Variants in ARHGEF16 observed in about 807,000 individuals in gnomAD.
ARHGEF16 encodes Rho guanine exchange factor (GEF) 16.
A neutral mutation model predicts 74.1 loss-of-function variants in ARHGEF16; 59 were observed. The ratio of observed to expected loss-of-function variants is 0.80; its 90% CI spans 0.65 to 0.99. The LOEUF is 0.99. Among genes scored for constraint, ARHGEF16 ranks in the 50% least tolerant of loss-of-function variants. The pLI, the probability that ARHGEF16 is intolerant of heterozygous loss-of-function variation, is 0.00. For synonymous variants in ARHGEF16, 415 were observed against 412.6 expected, an observed-to-expected ratio of 1.01 and a Z score of -0.07; for missense variants, 948 against 986.6, an observed-to-expected ratio of 0.96 and a Z score of 0.52.
At position 3,476,038 on chromosome 1, in the gene ARHGEF16, A is replaced by G; in HGVS notation, c.1449A>G (p.Thr483=). The change falls in exon 10 of 15, where the codon ACA becomes ACG. Residue 483 remains threonine, a synonymous_variant. Coordinates refer to ENST00000378378, the MANE Select transcript of ARHGEF16 (RefSeq NM_014448.4). ...TGGAGCAGATGTACACGCTGCACAC[A>G]CAGCTGGACTTCAGCAAGGTCAAGG... ...ERMEQMYTLH[T]QLDFSKVKSL... The G allele has an allele frequency of 1.3e-6, 2 of 1,555,006 alleles. No homozygotes were observed. The highest frequency in any genetic ancestry group is 1.7e-6 in the Non-Finnish European group (2 of 1,149,250).
chr1:3,457,605 G>A (rs1245049016), intron 1 of ARHGEF16, among the ~76,000 whole-genome samples: 1 of 152,212 alleles, frequency 6.6e-6, no homozygotes, highest in Non-Finnish European at 1.5e-5. Context: ...CTACAGAGCG[G>A]CCCACCCAAC....
In ARHGEF16 at chr1:3,477,998, G is replaced by A. The variant is rs373186673; in HGVS notation, c.1597G>A (p.Asp533Asn). ...RPTCYLFLFN[D>N]VLVVTKKKSE... ...AACGTGCTACCTTTTCCTGTTCAACGATGTCCTGGTTGTGACCAAGAAGAA... is the reference window on the plus strand; with the variant it reads ...AACGTGCTACCTTTTCCTGTTCAACAATGTCCTGGTTGTGACCAAGAAGAA... The change falls in exon 11 of 15, where the codon GAT becomes AAT. Residue 533 changes from aspartate to asparagine, a missense_variant. Physicochemically the swap from Asp to Asn is conservative, Grantham distance 23. Coordinates refer to ENST00000378378, the MANE Select transcript of ARHGEF16 (RefSeq NM_014448.4). 12 of 1,612,552 alleles carry A rather than the reference G, an allele frequency of 7.4e-6. No individual in the cohort carries two copies. Among genetic ancestry groups the A allele is most frequent in the African/African-American group, 4.0e-5 (3 of 74,926 alleles).
intron 2 of ARHGEF16, 137 bp from the exon 3 acceptor site, chr1:3,466,011 G>GC (rs934479594): frequency 2.2e-6 from 2 of 925,196 alleles, no homozygotes; most frequent in African/African-American, 3.4e-5. Context: ...CGGCCGTGAG[G>GC]CCCTGTGGAG....
At chr1:3,469,052 GC>G in intron 5 of ARHGEF16, 116 bp downstream of exon 5, 1 of 1,288,486 alleles carries the variant, frequency 7.8e-7, no homozygotes, top group Non-Finnish European at 1.1e-6. Flanking sequence ...CACCTCCAGT[GC>G]CAGGCCCTGT....
At chr1:3,454,992 G>A (rs934114235) in intron 1 of ARHGEF16, among the ~76,000 whole-genome samples, 181 bp downstream of exon 1, 2 of 152,200 alleles carry the variant, frequency 1.3e-5, no homozygotes, top group South Asian at 4.1e-4. Flanking sequence ...GCTCCGCCGG[G>A]GCGGGAGAGG....
chr1:3,473,279 A>G, intron 7 of ARHGEF16, 49 bp downstream of exon 7: 1 of 1,598,804 alleles, frequency 6.3e-7, no homozygotes. Flanking sequence ...AGCATCCTGC[A>G]CCCTGGTCTC....
intron 1 of ARHGEF16, among the ~76,000 whole-genome samples, chr1:3,462,240 A>T (rs978760869): frequency 3.9e-5 from 6 of 152,164 alleles, no homozygotes; most frequent in African/African-American, 1.4e-4. Flanking sequence ...GCCAGGTGTC[A>T]TACTGGACTC....
intron 12 of ARHGEF16, 31 bp downstream of exon 12, chr1:3,478,643 G>A (rs781579703): frequency 6.3e-7 from 1 of 1,578,596 alleles, no homozygotes; most frequent in Non-Finnish European, 8.6e-7. Flanking sequence ...GCTGTTCCCA[G>A]GCCACAGGCA....
Position 3,463,114 on chromosome 1 carries a change from G to A in ARHGEF16, c.30G>A (p.Leu10=), listed in dbSNP as rs74597763. ...CCCAGCGGCACTCAGACAGCTCCTT[G>A]GAGGAGAAGCTCCTGGGACACCGCT... MAQRHSDSS[L]EEKLLGHRFH... The change falls in exon 2 of 15, where the codon TTG becomes TTA. Residue 10 remains leucine, a synonymous_variant. Transcript: ENST00000378378. 1.1e-3 allele frequency: 1,566 copies of A among 1,466,610 alleles called. 21 individuals carry two copies. The African/African-American group carries it at 0.021, about 19-fold the overall frequency. 90.8% of individuals were successfully genotyped at this position (1,466,610 alleles called of 1,614,324 possible). A position where few individuals can be genotyped will look rare whatever the true frequency, so the allele number is the denominator to read the frequency against.
At chr1:3,462,569 C>T (rs1188401895) in intron 1 of ARHGEF16, among the ~76,000 whole-genome samples, 1 of 152,156 alleles carries the variant, frequency 6.6e-6, no homozygotes, top group East Asian at 1.9e-4. Context: ...CCCAGTGCAA[C>T]GCCATGACCC....
chr1:3,468,758 C>A, intron 4 of ARHGEF16, 122 bp from the exon 5 acceptor site: 2 of 1,104,560 alleles, frequency 1.8e-6, no homozygotes, highest in Non-Finnish European at 1.3e-6. Context: ...TCGGACCTAC[C>A]TGAGCCCTGT....
chr1:3,472,685 C>T, intron 6 of ARHGEF16: 1 of 173,202 alleles, frequency 5.8e-6, no homozygotes, highest in Non-Finnish European at 1.2e-5. Context: ...GTGTGGAGGC[C>T]CAGTCGTTTT....
At chr1:3,473,012 G>T (rs1639775498) in intron 6 of ARHGEF16, 66 bp from the exon 7 acceptor site, 2 of 1,543,756 alleles carry the variant, frequency 1.3e-6, no homozygotes, top group Non-Finnish European at 1.8e-6. Context: ...ATGCATGTCT[G>T]TGTGTGCACA....
At chr1:3,458,705 CAG>C (rs1253248556) in intron 1 of ARHGEF16, among the ~76,000 whole-genome samples, 1 of 152,216 alleles carries the variant, frequency 6.6e-6, no homozygotes, top group South Asian at 2.1e-4. Flanking sequence ...GCCTGAGAGA[CAG>C]AGGCCAGCAG....
intron 1 of ARHGEF16, among the ~76,000 whole-genome samples, chr1:3,460,461 ATTTG>A (rs749719358): frequency 4.6e-5 from 7 of 152,210 alleles, no homozygotes; most frequent in Non-Finnish European, 1.0e-4. Context: ...TCTTGGGGAC[ATTTG>A]TTTGGTGGGA....
intron 10 of ARHGEF16, among the ~76,000 whole-genome samples, chr1:3,476,617 A>C (rs572741594): frequency 1.3e-5 from 2 of 151,624 alleles, no homozygotes; most frequent in Non-Finnish European, 2.9e-5. Context: ...AGAGCCCCCC[A>C]CCCACGATCC....
At position 3,477,974 on chromosome 1, in the gene ARHGEF16, A is replaced by G. The variant is rs770242146; in HGVS notation, c.1573A>G (p.Thr525Ala). ...TTTTCGAAAAATTGCCAGCCGGCCA[A>G]CGTGCTACCTTTTCCTGTTCAACGA... ...GLFRKIASRP[T>A]CYLFLFNDVL... The change falls in exon 11 of 15, where the codon ACG (threonine) becomes GCG (alanine). Residue 525 changes from threonine (T) to alanine (A), a missense_variant. Physicochemically the swap from Thr to Ala is moderately conservative, Grantham distance 58. Coordinates refer to ENST00000378378, the MANE Select transcript of ARHGEF16 (RefSeq NM_014448.4). 17 of 1,612,568 alleles carry G rather than the reference A, an allele frequency of 1.1e-5. No individual in the cohort carries two copies. The highest frequency in any genetic ancestry group is 1.4e-5 in the Non-Finnish European group (16 of 1,179,896).
At chr1:3,472,976 C>CCATGTATGTGTGAGTGTGCATGCAGATG in intron 6 of ARHGEF16, 102 bp from the exon 7 acceptor site, 1 of 1,339,600 alleles carries the variant, frequency 7.5e-7, no homozygotes, top group Non-Finnish European at 1.0e-6. Context: ...CCTGCCACGT[C>CCATGTATGTGTGAGTGTGCATGCAGATG]CATGTATGTG....
At chr1:3,480,319 C>T in intron 14 of ARHGEF16, 129 bp from the exon 15 acceptor site, 1 of 1,360,552 alleles carries the variant, frequency 7.3e-7, no homozygotes, top group Non-Finnish European at 9.9e-7. Flanking sequence ...CAGCTGTCTG[C>T]TCTGAGCAGG....
Sources: gnomAD v4.1 joint callset for allele counts (sites outside exome capture counted in the v4.1 genomes callset) on GRCh38, gnomAD v4.1.1 for gene constraint, MANE v1.5 for transcripts, NCBI Gene and HGNC (gene_info 2026-07-23, HGNC 2026-07-21) for gene names.